Variants in NDUFV3 observed in about 807,000 individuals in gnomAD.
The protein encoded by NDUFV3 is NADH dehydrogenase [ubiquinone] flavoprotein 3, mitochondrial.
In NDUFV3, 44 loss-of-function variants were observed where a neutral mutation model predicts 37.5. The ratio of observed to expected loss-of-function variants is 1.17; its 90% CI spans 0.92 to 1.51. NDUFV3 has a LOEUF of 1.51. Ranked by LOEUF, NDUFV3 falls within the 40% of genes most tolerant of loss-of-function variation. The probability of loss-of-function intolerance (pLI) is 0.00; values close to 1 mark genes in which losing one functional copy is unlikely to be tolerated. For synonymous variants in NDUFV3, 235 were observed against 239.3 expected (o/e 0.98, Z 0.17); for missense variants, 580 against 580.4 (o/e 1.00, Z 0.01).
Position 42,894,343 on chromosome 21 carries a change from TTA to T in NDUFV3, c.48+969_48+970del, listed in dbSNP as rs1491138677. On this transcript the variant is annotated intron_variant, in intron 1 of 3. Coordinates refer to ENST00000354250, the MANE Select transcript of NDUFV3 (RefSeq NM_021075.4). ...TATATATAAATACATATTATATATA[TTA>T]TATATAAATATATATTATATATATA... Among the ~76,000 whole-genome samples, 2 of 51,160 alleles carry T rather than the reference TTA, an allele frequency of 3.9e-5. 1 individual carries two copies. Among genetic ancestry groups the T allele is most frequent in the African/African-American group, 4.2e-4 (2 of 4,728 alleles). The allele number at this position is 51,160 out of a possible 152,430, so 33.6% of individuals were successfully genotyped here.
rs150399204 is a variant in NDUFV3, at chr21:42,904,123, G to A, written c.1111G>A (p.Val371Met). 75 of 1,614,120 alleles carry A rather than the reference G, an allele frequency of 4.6e-5. No homozygotes were observed. The African/African-American group carries it at 7.2e-4, about 16-fold the overall frequency. ...EGHLKGGQAI[V>M]EDQIPPSNLE... ...CCACCTGAAGGGTGGACAGGCAATC[G>A]TGGAAGATCAGATACCACCAAGCAA... The change falls in exon 3 of 4, where the codon GTG becomes ATG. Residue 371 changes from valine (V) to methionine (M), a missense_variant. By Grantham distance (21) the Val-to-Met change is conservative. Transcript: ENST00000354250.
chr21:42,905,720 A>T (rs6586263), intron 3 of NDUFV3, among the ~76,000 whole-genome samples: 97,999 of 151,820 alleles, frequency 0.65, 33,289 homozygotes, highest in African/African-American at 0.85. Context: ...TTTACCATGT[A>T]GGCCAGGCTG....
rs1484810074 is a variant in NDUFV3, at chr21:42,911,526, C to T, written c.*2505C>T. On this transcript the variant is annotated 3_prime_UTR_variant, in exon 4 of 4. Transcript: ENST00000354250. ...GTGCGATCTCAGCTCACTGCAGCCT[C>T]GTCCTCCCAGGCCCAAGCAATCCTC... The T allele has an allele frequency of 2.1e-5, 3 of 144,256 alleles. No individual in the cohort carries two copies. Among genetic ancestry groups the T allele is most frequent in the Admixed American group, 7.3e-5 (1 of 13,720 alleles). The allele number at this position is 144,256 out of a possible 1,614,324, so 8.9% of individuals were successfully genotyped here. A position where few individuals can be genotyped will look rare whatever the true frequency, so the allele number is the denominator to read the frequency against.
In NDUFV3 at chr21:42,908,865, G is replaced by C; in HGVS notation, c.1266G>C (p.Glu422Asp). 6.2e-7 allele frequency: 1 copy of C among 1,614,172 alleles called. No homozygotes were observed. Among genetic ancestry groups the C allele is most frequent in the East Asian group, 2.2e-5 (1 of 44,880 alleles). ...APGDDRGGTQ[E>D]PAPVPAEPFD... Reference sequence around the variant, plus strand: ...ATGGGCATCGTGTTTCCTCCGCAGAGCCAGCCCCAGTGCCTGCTGAGCCGT... The same window carrying C: ...ATGGGCATCGTGTTTCCTCCGCAGACCCAGCCCCAGTGCCTGCTGAGCCGT... The change falls in exon 4 of 4, where the codon GAG becomes GAC. Residue 422 changes from glutamate to aspartate, a missense_variant and splice_region_variant. Coordinates refer to ENST00000354250, the MANE Select transcript of NDUFV3 (RefSeq NM_021075.4).
chr21:42,904,574 T>A (rs2058733547), intron 3 of NDUFV3, among the ~76,000 whole-genome samples: 1 of 150,830 alleles, frequency 6.6e-6, no homozygotes, highest in Admixed American at 6.6e-5. Flanking sequence ...CACTACAACT[T>A]CCATCTCAAG....
chr21:42,908,811 T>C, intron 3 of NDUFV3, 53 bp from the exon 4 acceptor site: 2 of 1,608,978 alleles, frequency 1.2e-6, no homozygotes, highest in South Asian at 2.2e-5. Context: ...GCCGAGTCAT[T>C]CATAAAGAGC....
rs1383926569 is a variant in NDUFV3, at chr21:42,904,059, G to T, written c.1047G>T (p.Leu349=). 1 of 1,614,232 alleles carries T rather than the reference G, an allele frequency of 6.2e-7. No individual in the cohort carries two copies. Residue 349 remains leucine (L), a synonymous_variant, in exon 3 of 4, where the codon CTG becomes CTT. Coordinates refer to ENST00000354250, the MANE Select transcript of NDUFV3 (RefSeq NM_021075.4). ...PEPQRKAAPP[L]PRKETSGTQG... is the part of the protein sequence containing the mutation. ...CCCAGCGCAAGGCGGCCCCTCCCCTGCCCAGAAAGGAAACCTCAGGGACGC... is the reference window on the plus strand; with the variant it reads ...CCCAGCGCAAGGCGGCCCCTCCCCTTCCCAGAAAGGAAACCTCAGGGACGC...
chr21:42,904,174 A>C lies in NDUFV3; in HGVS notation c.1162A>C (p.Asn388His). 6.2e-7 allele frequency: 1 copy of C among 1,614,256 alleles called. No individual in the cohort carries two copies. Among genetic ancestry groups the C allele is most frequent in the Non-Finnish European group, 8.5e-7 (1 of 1,180,048 alleles). ...SNLETVPVENNHGFHEKTAAL... is the reference protein window; with the variant it reads ...SNLETVPVENHHGFHEKTAAL... ...TTTGGAGACAGTTCCTGTTGAGAATAACCACGGTTTCCATGAAAAGACAGC... is the reference window on the plus strand; with the variant it reads ...TTTGGAGACAGTTCCTGTTGAGAATCACCACGGTTTCCATGAAAAGACAGC... Residue 388 changes from asparagine (N) to histidine (H), a missense_variant, in exon 3 of 4, where the codon AAC (asparagine) becomes CAC (histidine). Asn to His is a moderately conservative substitution (Grantham distance 68). Transcript: ENST00000354250.
chr21:42,908,851 G>C lies in NDUFV3; in HGVS notation c.1265-13G>C. ...CTTGTGTTGGTCTCATGGGCATCGT[G>C]TTTCCTCCGCAGAGCCAGCCCCAGT... On this transcript the variant is annotated splice_polypyrimidine_tract_variant and intron_variant, in intron 3 of 3. Transcript: ENST00000354250. The C allele has an allele frequency of 6.2e-6, 10 of 1,614,182 alleles. No homozygotes were observed. Among genetic ancestry groups the C allele is most frequent in the Non-Finnish European group, 8.5e-6 (10 of 1,180,016 alleles).
chr21:42,898,389 C>T (rs2058703799), intron 2 of NDUFV3, among the ~76,000 whole-genome samples: 2 of 152,050 alleles, frequency 1.3e-5, no homozygotes, highest in African/African-American at 4.8e-5. Context: ...CTCAAGCAAT[C>T]CTCCCACCTC....
chr21:42,895,075 A>G (rs1237174323), intron 1 of NDUFV3, among the ~76,000 whole-genome samples: 4 of 152,152 alleles, frequency 2.6e-5, no homozygotes, highest in African/African-American at 9.7e-5. Flanking sequence ...AAAGAAACAT[A>G]GGGCCTGGCA....
In NDUFV3 at chr21:42,903,262, A is replaced by G; in HGVS notation, c.250A>G (p.Ser84Gly). The G allele has an allele frequency of 6.2e-7, 1 of 1,614,172 alleles. No individual in the cohort carries two copies. The highest frequency in any genetic ancestry group is 1.1e-5 in the South Asian group (1 of 91,076). ...ATTGTCTAAAAACTTATCTTCACCC[A>G]GTTCTTACCCGCCAGCTGTGAATAA... ...AELSKNLSSP[S>G]SYPPAVNKGR... Residue 84 changes from serine (S) to glycine (G), a missense_variant, in exon 3 of 4, where the codon AGT becomes GGT. Coordinates refer to ENST00000354250, the MANE Select transcript of NDUFV3 (RefSeq NM_021075.4).
chr21:42,895,910 C>T (rs1315080041), intron 1 of NDUFV3, among the ~76,000 whole-genome samples: 1 of 151,578 alleles, frequency 6.6e-6, no homozygotes, highest in Admixed American at 6.6e-5. Context: ...TTTGCACTTA[C>T]ATGTAGTGGT....
chr21:42,900,602 G>T (rs1365612760), intron 2 of NDUFV3, among the ~76,000 whole-genome samples: 1 of 152,200 alleles, frequency 6.6e-6, no homozygotes, highest in Admixed American at 6.5e-5. Flanking sequence ...TTGGTAGTTG[G>T]TAAGTGTAAG....
Position 42,894,076 on chromosome 21 carries a change from G to C in NDUFV3, c.48+695G>C, listed in dbSNP as rs377641668. On this transcript the variant is annotated intron_variant, in intron 1 of 3. Coordinates refer to ENST00000354250, the MANE Select transcript of NDUFV3 (RefSeq NM_021075.4). Reference sequence around the variant, plus strand: ...AAAAAATACAAAAAATTAGTCTGGCGTGGTGGTGCATTCCTGTAATCCCAG... The same window carrying C: ...AAAAAATACAAAAAATTAGTCTGGCCTGGTGGTGCATTCCTGTAATCCCAG... Among the ~76,000 whole-genome samples the C allele has an allele frequency of 1.5e-4, 22 of 150,798 alleles. 1 individual carries two copies. In the South Asian group the frequency reaches 2.1e-3, roughly 14 times the overall value.
At chr21:42,903,157 C>T (rs377602940) in intron 2 of NDUFV3, 25 bp from the exon 3 acceptor site, 18 of 1,613,896 alleles carry the variant, frequency 1.1e-5, no homozygotes, top group Middle Eastern at 1.6e-4. Context: ...TGTTAAATAA[C>T]ATTCCTCTTT....
At chr21:42,908,357 C>T (rs958114287) in intron 3 of NDUFV3, among the ~76,000 whole-genome samples, 3 of 151,846 alleles carry the variant, frequency 2.0e-5, no homozygotes, top group African/African-American at 7.3e-5. Flanking sequence ...AATTGGAAGG[C>T]TGTATGTTTT....
In NDUFV3 at chr21:42,893,310, C is replaced by G. The variant is rs753420074; in HGVS notation, c.-24C>G. On this transcript the variant is annotated 5_prime_UTR_variant, in exon 1 of 4. Coordinates refer to ENST00000354250, the MANE Select transcript of NDUFV3 (RefSeq NM_021075.4). ...TGCGCGCGCAGCTGCTGTGGCCCTG[C>G]TTGGTGCGCCCGCTGTCACCGCCAT... 1.3e-6 allele frequency: 2 copies of G among 1,537,032 alleles called. No individual in the cohort carries two copies. Among genetic ancestry groups the G allele is most frequent in the South Asian group, 2.4e-5 (2 of 83,924 alleles).
intron 3 of NDUFV3, among the ~76,000 whole-genome samples, chr21:42,905,802 C>T (rs2058738518): frequency 6.6e-6 from 1 of 151,478 alleles, no homozygotes; most frequent in Admixed American, 6.6e-5. Flanking sequence ...AGGCATGAGC[C>T]ACCGTGCCTA....
Sources: allele counts gnomAD v4.1 joint callset (sites outside exome capture counted in the v4.1 genomes callset), GRCh38; gene constraint gnomAD v4.1.1; transcripts MANE v1.5; gene names NCBI Gene and HGNC (gene_info 2026-07-23, HGNC 2026-07-21).